The following SEZ6L variants were observed in gnomAD, a reference collection of about 807,000 sequenced individuals.
The protein encoded by SEZ6L is seizure 6-like protein.
A neutral mutation model predicts 106.2 loss-of-function variants in SEZ6L; 37 were observed. That is an observed-to-expected ratio of 0.35 (90% CI 0.27 to 0.46). The LOEUF (loss-of-function observed/expected upper bound fraction) is 0.46. Ranked by LOEUF, SEZ6L falls within the 20% of genes least tolerant of loss-of-function variation. The pLI, the probability that SEZ6L is intolerant of heterozygous loss-of-function variation, is 1.00. For missense variants in SEZ6L, 1,172 were observed against 1,332.8 expected (o/e 0.88, Z 1.88); for synonymous variants, 541 against 570.4 (o/e 0.95, Z 0.73).
chr22:26,354,248 G>A (rs1265001838), intron 12 of SEZ6L, among the ~76,000 whole-genome samples: 1 of 152,244 alleles, frequency 6.6e-6, no homozygotes, highest in African/African-American at 2.4e-5. Flanking sequence ...ATTAAGATGG[G>A]TGTTGATCCA....
At chr22:26,205,844 G>T (rs1941244272) in intron 1 of SEZ6L, among the ~76,000 whole-genome samples, 1 of 151,832 alleles carries the variant, frequency 6.6e-6, no homozygotes, top group African/African-American at 2.4e-5. Flanking sequence ...ATTTCCCAGT[G>T]ACTAGCTAGT....
chr22:26,349,281 TTTCATTAAC>T (rs2083193686), intron 11 of SEZ6L, among the ~76,000 whole-genome samples: 2 of 152,212 alleles, frequency 1.3e-5, no homozygotes, highest in South Asian at 4.1e-4. Flanking sequence ...AGTCACTGGA[TTTCATTAAC>T]CTTTCATTGG....
intron 1 of SEZ6L, among the ~76,000 whole-genome samples, chr22:26,236,045 C>T (rs2078948953): frequency 6.6e-6 from 1 of 152,250 alleles, no homozygotes; most frequent in Admixed American, 6.5e-5. Context: ...GATCTTGCCC[C>T]CCTGTCTCGG....
chr22:26,217,192 G>T (rs62224247), intron 1 of SEZ6L, among the ~76,000 whole-genome samples: 2 of 152,034 alleles, frequency 1.3e-5, no homozygotes, highest in Non-Finnish European at 2.9e-5. Flanking sequence ...TAGCAGAGCT[G>T]GGACCCCAGA....
chr22:26,373,271 C>A (rs1481874369), intron 13 of SEZ6L, among the ~76,000 whole-genome samples, 180 bp from the exon 14 acceptor site: 1 of 152,166 alleles, frequency 6.6e-6, no homozygotes, highest in African/African-American at 2.4e-5. Flanking sequence ...CTCTTGGTAA[C>A]TTAGGAAGTG....
chr22:26,375,794 G>C, intron 15 of SEZ6L, 105 bp downstream of exon 15: 1 of 730,162 alleles, frequency 1.4e-6, no homozygotes, highest in Non-Finnish European at 2.3e-6. Flanking sequence ...CCTGGAGCTC[G>C]GGCATAGTGG....
chr22:26,358,776 A>C (rs7285028), intron 12 of SEZ6L, among the ~76,000 whole-genome samples: 11,612 of 152,164 alleles, frequency 0.076, 1,561 homozygotes, highest in African/African-American at 0.27. Flanking sequence ...GGACATGTGT[A>C]AATACAATTT....
rs370588576 is a variant in SEZ6L at position 26,179,166 on chromosome 22, A to G, written c.94+9403A>G. Among the ~76,000 whole-genome samples, 148 of 152,266 alleles carry G rather than the reference A, an allele frequency of 9.7e-4. No homozygotes were observed. In the South Asian group the frequency reaches 0.03, roughly 31 times the overall value. On this transcript the variant is annotated intron_variant, in intron 1 of 16. Transcript: ENST00000248933. The stretch of plus-strand genomic sequence containing the variant: ...GCAGTTGGGAGGCTGAGGCAGGAGG[A>G]TCACTTGAGGCCAGGAGCTCTAGAC...
chr22:26,238,358 T>C (rs2079013315), intron 1 of SEZ6L, among the ~76,000 whole-genome samples: 1 of 152,194 alleles, frequency 6.6e-6, no homozygotes, highest in Admixed American at 6.5e-5. Context: ...AAAATATGCA[T>C]TCCATCTGGA....
chr22:26,282,512 T>C (rs1397234753), intron 1 of SEZ6L, among the ~76,000 whole-genome samples: 1 of 152,192 alleles, frequency 6.6e-6, no homozygotes, highest in African/African-American at 2.4e-5. Context: ...TCTGACCTGT[T>C]ACATAAACTC....
chr22:26,177,368 C>T (rs1939088799), intron 1 of SEZ6L, among the ~76,000 whole-genome samples: 2 of 152,208 alleles, frequency 1.3e-5, no homozygotes, highest in Admixed American at 1.3e-4. Context: ...AAAGAAAAAA[C>T]CTTTGTGCAA....
At chr22:26,326,638 C>CCCCT (rs1203148092) in intron 9 of SEZ6L, among the ~76,000 whole-genome samples, 1 of 152,190 alleles carries the variant, frequency 6.6e-6, no homozygotes, top group African/African-American at 2.4e-5. Context: ...CAGCCTCACA[C>CCCCT]CCCTCATCAC....
chr22:26,272,466 C>T (rs2080400809), intron 1 of SEZ6L, among the ~76,000 whole-genome samples: 1 of 152,208 alleles, frequency 6.6e-6, no homozygotes, highest in Non-Finnish European at 1.5e-5. Flanking sequence ...GTTATCACCA[C>T]TGGGCCAGGC....
At chr22:26,372,817 C>A (rs2084084059) in intron 13 of SEZ6L, among the ~76,000 whole-genome samples, 1 of 152,090 alleles carries the variant, frequency 6.6e-6, no homozygotes, top group Non-Finnish European at 1.5e-5. Context: ...AAAGCCTCAT[C>A]AATATAAAAG....
At chr22:26,170,014 G>A (rs1391731413) in intron 1 of SEZ6L, among the ~76,000 whole-genome samples, 9 of 152,096 alleles carry the variant, frequency 5.9e-5, no homozygotes, top group East Asian at 1.9e-4. Flanking sequence ...GGTCTTCCCC[G>A]GCTGCGGGGC....
chr22:26,312,170 C>T (rs1178712437), intron 8 of SEZ6L, among the ~76,000 whole-genome samples: 1 of 152,182 alleles, frequency 6.6e-6, no homozygotes, highest in Non-Finnish European at 1.5e-5. Flanking sequence ...GAAGGTGCAC[C>T]TTCTTCCAGG....
chr22:26,339,812 C>G (rs1003394193), intron 9 of SEZ6L, among the ~76,000 whole-genome samples: 1 of 152,204 alleles, frequency 6.6e-6, no homozygotes, highest in Non-Finnish European at 1.5e-5. Context: ...TGGTGCCTAA[C>G]ACAGAGATGT....
At chr22:26,200,532 A>G (rs933753070) in intron 1 of SEZ6L, among the ~76,000 whole-genome samples, 7 of 152,134 alleles carry the variant, frequency 4.6e-5, no homozygotes, top group Non-Finnish European at 8.8e-5. Flanking sequence ...CTGAGATCTC[A>G]CTATTTCTGA....
intron 9 of SEZ6L, among the ~76,000 whole-genome samples, chr22:26,337,591 T>C (rs1255380915): frequency 1.3e-5 from 2 of 152,170 alleles, no homozygotes; most frequent in African/African-American, 2.4e-5. Flanking sequence ...TGGGAGGCTC[T>C]TTCATACCTT....
Sources: gnomAD v4.1 joint callset for allele counts (sites outside exome capture counted in the v4.1 genomes callset) on GRCh38, gnomAD v4.1.1 for gene constraint, MANE v1.5 for transcripts, NCBI Gene and HGNC (gene_info 2026-07-23, HGNC 2026-07-21) for gene names.